Variants in ARHGAP23 observed in about 807,000 individuals in gnomAD.
ARHGAP23 encodes Rho GTPase activating protein 23.
A neutral mutation model predicts 136.3 loss-of-function variants in ARHGAP23; 34 were observed. The observed-to-expected ratio is 0.25, with a 90% CI of 0.19 to 0.33. ARHGAP23 has a LOEUF of 0.33. Among genes scored for constraint, ARHGAP23 ranks in the 10% least tolerant of loss-of-function variants. The pLI is 1.00. For missense variants in ARHGAP23, 1,808 were observed against 2,139.0 expected (o/e 0.85, Z 3.05); for synonymous variants, 832 against 920.5 (o/e 0.90, Z 1.74).
At chr17:38,497,087 A>G (rs1023110601) in intron 20 of ARHGAP23, among the ~76,000 whole-genome samples, 4 of 152,234 alleles carry the variant, frequency 2.6e-5, no homozygotes, top group African/African-American at 9.6e-5. Flanking sequence ...TGAAAGTTCC[A>G]AGTACCTGTG....
Position 38,477,611 on chromosome 17 carries a change from G to A in ARHGAP23, c.2151G>A (p.Arg717=), listed in dbSNP as rs2039924825. Residue 717 remains arginine (R), a synonymous_variant, in exon 12 of 24, where the codon CGG becomes CGA. Coordinates refer to ENST00000622683, the MANE Select transcript of ARHGAP23 (RefSeq NM_001199417.2). The surrounding 1 kb of genome is among the most constrained non-coding windows in gnomAD (Gnocchi z 6.6). ...GCAGCGGCCTGCGCCAGTGGAAGCG[G>A]GTGTACGCCGCGCTGCGGGCGCGCT... ...KAGSGLRQWK[R]VYAALRARSL... is the part of the protein sequence containing the mutation. 6 of 1,281,612 alleles carry A rather than the reference G, an allele frequency of 4.7e-6. No individual in the cohort carries two copies. Among genetic ancestry groups the A allele is most frequent in the African/African-American group, 1.6e-5 (1 of 63,716 alleles). 79.4% of individuals were successfully genotyped at this position (1,281,612 alleles called of 1,614,324 possible). A position where few individuals can be genotyped will look rare whatever the true frequency, so the allele number is the denominator to read the frequency against.
chr17:38,500,727 G>A (rs1316440004), intron 23 of ARHGAP23, 99 bp downstream of exon 23: 6 of 1,154,804 alleles, frequency 5.2e-6, no homozygotes, highest in Admixed American at 4.1e-5. Context: ...TGGACCATGG[G>A]GAAAGTTGAT....
intron 20 of ARHGAP23, among the ~76,000 whole-genome samples, chr17:38,495,832 A>G: frequency 6.6e-6 from 1 of 152,198 alleles, no homozygotes. Context: ...TAATGAGATT[A>G]TAAATTGCCT....
At chr17:38,474,773 G>A (rs1388866479) in intron 11 of ARHGAP23, among the ~76,000 whole-genome samples, 1 of 152,166 alleles carries the variant, frequency 6.6e-6, no homozygotes, top group Non-Finnish European at 1.5e-5. Flanking sequence ...GGCCGGGGAG[G>A]CTGACAGAGA....
chr17:38,421,270 A>C (rs982857672), intron 1 of ARHGAP23, among the ~76,000 whole-genome samples: 1 of 152,192 alleles, frequency 6.6e-6, no homozygotes, highest in African/African-American at 2.4e-5. Flanking sequence ...AGCTATGCCA[A>C]GTGGTGGCTT....
rs1393566497 is a variant in ARHGAP23, at chr17:38,491,548, G to C, written c.3276+16G>C. 6.5e-7 allele frequency: 1 copy of C among 1,549,134 alleles called. No individual in the cohort carries two copies. The stretch of plus-strand genomic sequence containing the variant: ...GATCCAGCACGTAAGCCCCTGTTCC[G>C]GGGGGCGCCCGGCAGCCCCTGGGGC... On this transcript the variant is annotated intron_variant, in intron 20 of 23. Coordinates refer to ENST00000622683, the MANE Select transcript of ARHGAP23 (RefSeq NM_001199417.2).
Position 38,510,736 on chromosome 17 carries a change from C to T in ARHGAP23, c.4240C>T (p.Leu1414=), listed in dbSNP as rs1312448527. The T allele has an allele frequency of 1.4e-6, 2 of 1,480,044 alleles. No individual in the cohort carries two copies. The highest frequency in any genetic ancestry group is 1.5e-5 in the African/African-American group (1 of 67,628). The allele number at this position is 1,480,044 out of a possible 1,614,324, so 91.7% of individuals were successfully genotyped here. ...RRHTVVVQSP[L]TDLNFNEWKE... is the part of the protein sequence containing the mutation. ...CCACACCGTGGTGGTGCAGAGCCCG[C>T]TGACTGACCTCAACTTCAACGAGTG... is the stretch of plus-strand genomic sequence containing the variant. Residue 1414 remains leucine (L), a synonymous_variant, in exon 24 of 24, where the codon CTG becomes TTG. Coordinates refer to ENST00000622683, the MANE Select transcript of ARHGAP23 (RefSeq NM_001199417.2). This position sits in a 1 kb window ranked among gnomAD's most constrained non-coding sequence, Gnocchi z 4.6.
At chr17:38,460,578 T>G in intron 2 of ARHGAP23, among the ~76,000 whole-genome samples, 1 of 152,178 alleles carries the variant, frequency 6.6e-6, no homozygotes, top group South Asian at 2.1e-4. Flanking sequence ...TATCTGTGAC[T>G]GCCCGCGTCT....
chr17:38,422,408 C>T (rs1055624949), intron 1 of ARHGAP23, among the ~76,000 whole-genome samples: 2 of 152,186 alleles, frequency 1.3e-5, no homozygotes, highest in South Asian at 2.1e-4. Context: ...CTTTGAGCCT[C>T]GCGCACACTC....
At chr17:38,485,396 G>A (rs897743057) in intron 16 of ARHGAP23, among the ~76,000 whole-genome samples, 1 of 152,214 alleles carries the variant, frequency 6.6e-6, no homozygotes, top group African/African-American at 2.4e-5. Context: ...CTAGGTGATA[G>A]GAGCACAGTG....
At chr17:38,437,480 G>T (rs749936137) in intron 1 of ARHGAP23, among the ~76,000 whole-genome samples, 3 of 151,940 alleles carry the variant, frequency 2.0e-5, no homozygotes, top group Admixed American at 2.0e-4. Context: ...AGCCAGGTGT[G>T]GTGGTGCACA....
chr17:38,420,644 G>A (rs982207652), intron 1 of ARHGAP23, among the ~76,000 whole-genome samples: 3 of 152,128 alleles, frequency 2.0e-5, no homozygotes, highest in Non-Finnish European at 4.4e-5. Flanking sequence ...GTTGGAGAGG[G>A]GCACTGGGAG....
At chr17:38,440,895 G>A (rs916563777) in intron 1 of ARHGAP23, among the ~76,000 whole-genome samples, 8 of 152,338 alleles carry the variant, frequency 5.3e-5, no homozygotes, top group Admixed American at 2.0e-4. Flanking sequence ...GTGCTGGGGT[G>A]GTCAGAGATG....
intron 12 of ARHGAP23, among the ~76,000 whole-genome samples, chr17:38,479,123 C>T (rs1161795888): frequency 2.6e-5 from 4 of 152,192 alleles, no homozygotes; most frequent in African/African-American, 7.2e-5. Flanking sequence ...TCCTGGGGCA[C>T]CTCCTCCATG....
intron 13 of ARHGAP23, 71 bp downstream of exon 13, chr17:38,479,568 C>T: frequency 1.3e-5 from 20 of 1,495,268 alleles, no homozygotes; most frequent in Non-Finnish European, 1.2e-5. Flanking sequence ...AGGATGTCTT[C>T]CTGGCCCACC....
chr17:38,437,622 A>AC (rs5820258), intron 1 of ARHGAP23, among the ~76,000 whole-genome samples: 24 of 147,706 alleles, frequency 1.6e-4, no homozygotes, highest in Admixed American at 2.0e-4. Context: ...ACCCACCCCT[A>AC]CCCCCCCCAA....
chr17:38,423,707 C>T (rs565486766), upstream of ARHGAP23, among the ~76,000 whole-genome samples: 9 of 152,064 alleles, frequency 5.9e-5, no homozygotes, highest in African/African-American at 2.2e-4. Flanking sequence ...AATGGGGCCC[C>T]TCTCGCTTTG....
chr17:38,483,524 T>C (rs2040094006), intron 16 of ARHGAP23, among the ~76,000 whole-genome samples: 1 of 152,274 alleles, frequency 6.6e-6, no homozygotes, highest in Non-Finnish European at 1.5e-5. Flanking sequence ...TCTGTTGTAC[T>C]GGGTTTTCAT....
intron 6 of ARHGAP23, among the ~76,000 whole-genome samples, chr17:38,465,402 AC>A (rs1468947073): frequency 2.6e-5 from 4 of 151,538 alleles, no homozygotes; most frequent in African/African-American, 7.3e-5. Context: ...TCACCCTCCC[AC>A]CCTTTGGTTC....
Sources: allele counts gnomAD v4.1 joint callset (sites outside exome capture counted in the v4.1 genomes callset), GRCh38; gene constraint gnomAD v4.1.1; non-coding constraint Gnocchi (gnomAD v3.1); transcripts MANE v1.5; gene names NCBI Gene and HGNC (gene_info 2026-07-23, HGNC 2026-07-21).